Variants in RBPJ observed in about 807,000 individuals in gnomAD.
RBPJ encodes the protein recombining binding protein suppressor of hairless.
A neutral mutation model predicts 67.8 loss-of-function variants in RBPJ; 9 were observed. That is an observed-to-expected ratio of 0.13 (90% CI 0.08 to 0.23). The LOEUF is 0.23. Ranked by LOEUF, RBPJ falls within the 10% of genes least tolerant of loss-of-function variation. The pLI, the probability that RBPJ is intolerant of heterozygous loss-of-function variation, is 1.00. For missense variants in RBPJ, 305 were observed against 595.6 expected (o/e 0.51, Z 5.08); for synonymous variants, 198 against 203.3 (o/e 0.97, Z 0.22).
intron 1 of RBPJ, among the ~76,000 whole-genome samples, chr4:26,263,728 C>T (rs1015399805): frequency 8.5e-5 from 13 of 152,080 alleles, no homozygotes; most frequent in Non-Finnish European, 1.5e-4. Context: ...CGTGCCACCA[C>T]GCCCAGCTAA....
chr4:26,399,772 G>A (rs1416374884), intron 2 of RBPJ, among the ~76,000 whole-genome samples: 4 of 151,916 alleles, frequency 2.6e-5, no homozygotes, highest in Admixed American at 6.6e-5. Flanking sequence ...TGCAACCTCC[G>A]CCTCCTGGGT....
At chr4:26,301,416 C>T (rs1722072454) in intron 1 of RBPJ, among the ~76,000 whole-genome samples, 1 of 151,918 alleles carries the variant, frequency 6.6e-6, no homozygotes, top group African/African-American at 2.4e-5. Context: ...CACGGTGAAA[C>T]CCCATCTCTA....
intron 3 of RBPJ, 100 bp from the exon 4 acceptor site, chr4:26,415,375 A>C (rs1396775387): frequency 4.8e-6 from 5 of 1,049,324 alleles, no homozygotes; most frequent in Non-Finnish European, 5.4e-6. Flanking sequence ...GGTGCATTTC[A>C]ATATGATTTT....
At chr4:26,340,941 T>C (rs1725459774) in intron 1 of RBPJ, among the ~76,000 whole-genome samples, 1 of 151,810 alleles carries the variant, frequency 6.6e-6, no homozygotes. Context: ...AAAAAAATCA[T>C]TTTAGATGTG....
intron 1 of RBPJ, among the ~76,000 whole-genome samples, chr4:26,277,107 C>T (rs2109270933): frequency 7.2e-6 from 1 of 138,458 alleles, no homozygotes. Context: ...TAGTGAGACC[C>T]CATTTCTAAA....
At chr4:26,131,447 C>G in the RBPJ span, among the ~76,000 whole-genome samples, 1 of 152,180 alleles carries the variant, frequency 6.6e-6, no homozygotes, top group African/African-American at 2.4e-5. Context: ...GACACACACA[C>G]TCACATAACC....
intron 1 of RBPJ, among the ~76,000 whole-genome samples, chr4:26,323,216 GTCTCCCTTACTTGT>G (rs1173439113): frequency 6.6e-6 from 1 of 151,924 alleles, no homozygotes; most frequent in Non-Finnish European, 1.5e-5. Flanking sequence ...ATAATCTTAT[GTCTCCCTTACTTGT>G]TCTTGTACAT....
the RBPJ span, among the ~76,000 whole-genome samples, chr4:26,122,080 T>G: frequency 6.6e-6 from 1 of 152,144 alleles, no homozygotes; most frequent in Non-Finnish European, 1.5e-5. Flanking sequence ...GAATCATCTC[T>G]GAAATTTTAT....
chr4:26,184,128 G>A (rs900074724), intron 1 of RBPJ, among the ~76,000 whole-genome samples: 1 of 150,764 alleles, frequency 6.6e-6, no homozygotes, highest in African/African-American at 2.5e-5. Flanking sequence ...GTTCCAGTGA[G>A]CTGAGATGGC....
chr4:26,429,090 A>G (rs942844007), intron 8 of RBPJ, among the ~76,000 whole-genome samples: 1 of 152,220 alleles, frequency 6.6e-6, no homozygotes, highest in African/African-American at 2.4e-5. Context: ...AAAACAGTTA[A>G]CATCTAGTTC....
chr4:26,136,714 T>C, the RBPJ span, among the ~76,000 whole-genome samples: 2 of 152,206 alleles, frequency 1.3e-5, no homozygotes, highest in Admixed American at 1.3e-4. Flanking sequence ...GAACTTTTTT[T>C]TAAAACCAGG....
At chr4:26,190,906 G>A (rs778332196) in intron 1 of RBPJ, among the ~76,000 whole-genome samples, 2 of 151,778 alleles carry the variant, frequency 1.3e-5, no homozygotes, top group African/African-American at 2.4e-5. Flanking sequence ...AGCACTTTGG[G>A]AGGCTGAGGC....
chr4:26,323,979 C>T (rs992480292), intron 1 of RBPJ, among the ~76,000 whole-genome samples: 2 of 152,176 alleles, frequency 1.3e-5, no homozygotes, highest in African/African-American at 4.8e-5. Flanking sequence ...AGTATTTTCT[C>T]ATGGATTGAC....
chr4:26,127,188 G>T, the RBPJ span, among the ~76,000 whole-genome samples: 5 of 152,220 alleles, frequency 3.3e-5, no homozygotes, highest in Admixed American at 3.3e-4. Context: ...CAGTGGCACA[G>T]AGAAGAAATC....
chr4:26,115,043 A>T, the RBPJ span, among the ~76,000 whole-genome samples: 1 of 152,208 alleles, frequency 6.6e-6, no homozygotes, highest in African/African-American at 2.4e-5. Context: ...CTGCTACTGC[A>T]CGTCTCTTCC....
At chr4:26,317,968 T>A (rs1200874357), upstream of RBPJ, among the ~76,000 whole-genome samples, 1 of 152,198 alleles carries the variant, frequency 6.6e-6, no homozygotes, top group Non-Finnish European at 1.5e-5. Context: ...TGAAATACCT[T>A]CTTGGGATGA....
intron 1 of RBPJ, among the ~76,000 whole-genome samples, chr4:26,172,275 C>T (rs577627482): frequency 5.3e-5 from 8 of 152,030 alleles, no homozygotes; most frequent in South Asian, 2.1e-4. Context: ...CTGCAGCTGC[C>T]GTGGGCTGTG....
chr4:26,155,388 T>C, the RBPJ span, among the ~76,000 whole-genome samples: 1 of 151,290 alleles, frequency 6.6e-6, no homozygotes, highest in Non-Finnish European at 1.5e-5. Context: ...GCCCTCTGGG[T>C]CACTGAGCTG....
intron 1 of RBPJ, among the ~76,000 whole-genome samples, chr4:26,363,412 A>G (rs1728281070): frequency 6.6e-6 from 1 of 152,020 alleles, no homozygotes; most frequent in Non-Finnish European, 1.5e-5. Flanking sequence ...TGCTGGGACT[A>G]CAGGCGTGAG....
Sources: allele counts gnomAD v4.1 joint callset (sites outside exome capture counted in the v4.1 genomes callset), GRCh38; gene constraint gnomAD v4.1.1; transcripts MANE v1.5; gene names NCBI Gene and HGNC (gene_info 2026-07-23, HGNC 2026-07-21).